Variants in CBLC observed in about 807,000 individuals in gnomAD.
CBLC encodes the protein E3 ubiquitin-protein ligase CBL-C.
A neutral mutation model predicts 58.6 loss-of-function variants in CBLC; 46 were observed. That is an observed-to-expected ratio of 0.79 (90% CI 0.62 to 1.00). The LOEUF (loss-of-function observed/expected upper bound fraction) is 1.00. Ranked by LOEUF, CBLC falls within the 50% of genes least tolerant of loss-of-function variation. The pLI is 0.00. For synonymous variants in CBLC, 271 were observed against 264.2 expected, an observed-to-expected ratio of 1.03 and a Z score of -0.25; for missense variants, 655 against 625.8, an observed-to-expected ratio of 1.05 and a Z score of -0.50.
chr19:44,792,377 T>C lies in CBLC; in HGVS notation c.1006-6T>C, dbSNP rs1005749994. 1 of 1,613,258 alleles carries C rather than the reference T, an allele frequency of 6.2e-7. No individual in the cohort carries two copies. ...TCGCTGTCTTCTCTATCCTCTCACC[T>C]GCCAGGAGCAGCTGCAGCTCTACTG... On this transcript the variant is annotated splice_region_variant and splice_polypyrimidine_tract_variant and intron_variant, in intron 6 of 10. Coordinates refer to ENST00000647358, the MANE Select transcript of CBLC (RefSeq NM_012116.4).
chr19:44,793,203 C>T (rs1361096324), intron 7 of CBLC, among the ~76,000 whole-genome samples: 1 of 152,096 alleles, frequency 6.6e-6, no homozygotes, highest in Non-Finnish European at 1.5e-5. Context: ...CCTGGAAAGG[C>T]CTGGCCCGGA....
At chr19:44,787,189 C>T (rs1190205628) in intron 5 of CBLC, among the ~76,000 whole-genome samples, 2 of 151,886 alleles carry the variant, frequency 1.3e-5, no homozygotes, top group African/African-American at 4.8e-5. Context: ...GCCAGGAGAT[C>T]GAGACCATCT....
chr19:44,784,528 C>A, intron 5 of CBLC, 127 bp downstream of exon 5: 3 of 901,308 alleles, frequency 3.3e-6, no homozygotes, highest in Non-Finnish European at 4.8e-6. Context: ...CATCTCAAAT[C>A]TGCAGTACTA....
At position 44,780,911 on chromosome 19, in the gene CBLC, G is replaced by T; in HGVS notation, c.360G>T (p.Gln120His). 6.2e-7 allele frequency: 1 copy of T among 1,612,162 alleles called. No homozygotes were observed. The highest frequency in any genetic ancestry group is 8.5e-7 in the Non-Finnish European group (1 of 1,179,960). The change falls in exon 2 of 11, where the codon CAG becomes CAT. Residue 120 changes from glutamine (Q) to histidine (H), a missense_variant. Transcript: ENST00000647358. ...LFRAGSRLRR[Q>H]LAKLAIIFSH... Reference sequence around the variant, plus strand: ...TCCTTGCCCATCCCCACAGGCGACAGCTGGCCAAGCTGGCCATCATCTTCA... The same window carrying T: ...TCCTTGCCCATCCCCACAGGCGACATCTGGCCAAGCTGGCCATCATCTTCA...
chr19:44,794,406 C>T (rs1968136020), intron 9 of CBLC, 125 bp downstream of exon 9: 1 of 700,836 alleles, frequency 1.4e-6, no homozygotes, highest in Admixed American at 2.8e-5. Context: ...TCCAAGGCAC[C>T]CATCCCCTCT....
chr19:44,778,252 C>T lies in CBLC; in HGVS notation c.321C>T (p.Asn107=). The change falls in exon 1 of 11, where the codon AAC becomes AAT. Residue 107 remains asparagine, a synonymous_variant. Coordinates refer to ENST00000647358, the MANE Select transcript of CBLC (RefSeq NM_012116.4). ...CTCCCCGGGGCCGAAGGAGTGCCAA[C>T]GACGAGCTCTTCCGGGCGGGCTCCA... ...LLPPRGRRSA[N]DELFRAGSRL... is the part of the protein sequence containing the mutation. 1 of 1,449,150 alleles carries T rather than the reference C, an allele frequency of 6.9e-7. No homozygotes were observed. Among genetic ancestry groups the T allele is most frequent in the East Asian group, 2.6e-5 (1 of 38,612 alleles). The allele number at this position is 1,449,150 out of a possible 1,614,324, so 89.8% of individuals were successfully genotyped here.
intron 9 of CBLC, among the ~76,000 whole-genome samples, chr19:44,797,247 TTTGTTGTTGTTG>T (rs552867483): frequency 6.6e-6 from 1 of 151,852 alleles, no homozygotes; most frequent in South Asian, 2.1e-4. Flanking sequence ...TGTCATAACT[TTTGTTGTTGTTG>T]TTGTTGTTTG....
At chr19:44,792,705 G>A (rs1002926561) in intron 7 of CBLC, among the ~76,000 whole-genome samples, 191 bp downstream of exon 7, 9 of 152,152 alleles carry the variant, frequency 5.9e-5, no homozygotes, top group East Asian at 5.8e-4. Context: ...CTCTGCACAC[G>A]CTGCCTCTGT....
chr19:44,778,379 C>T, intron 1 of CBLC, 95 bp downstream of exon 1: 1 of 1,233,826 alleles, frequency 8.1e-7, no homozygotes, highest in Non-Finnish European at 1.0e-6. Flanking sequence ...AGGCCCCCAC[C>T]CCCTCCTCCC....
intron 9 of CBLC, among the ~76,000 whole-genome samples, chr19:44,798,645 G>C (rs967775212): frequency 6.6e-6 from 1 of 152,120 alleles, no homozygotes; most frequent in Non-Finnish European, 1.5e-5. Flanking sequence ...ATTCTCGCTT[G>C]ATTATCGCTT....
chr19:44,778,264 C>A lies in CBLC; in HGVS notation c.333C>A (p.Phe111Leu). The change falls in exon 1 of 11, where the codon TTC (phenylalanine) becomes TTA (leucine). Residue 111 changes from phenylalanine to leucine, a missense_variant. Around this residue, in one of 3 missense-constraint regions of CBLC, gnomAD observed 280 missense variants for 237.2 expected, o/e 1.18. Transcript: ENST00000647358. The stretch of plus-strand genomic sequence containing the variant: ...GAAGGAGTGCCAACGACGAGCTCTT[C>A]CGGGCGGGCTCCAGACTCAGGTGAG... The part of the protein sequence containing the change: ...RGRRSANDEL[F>L]RAGSRLRRQL... The A allele has an allele frequency of 2.1e-6, 3 of 1,442,900 alleles. No individual in the cohort carries two copies. Among genetic ancestry groups the A allele is most frequent in the Non-Finnish European group, 2.7e-6 (3 of 1,099,966 alleles). 89.4% of individuals were successfully genotyped at this position (1,442,900 alleles called of 1,614,324 possible).
chr19:44,800,070 C>G (rs895222691), intron 9 of CBLC, among the ~76,000 whole-genome samples: 2 of 152,136 alleles, frequency 1.3e-5, no homozygotes, highest in Non-Finnish European at 2.9e-5. Context: ...GCCAAAGGTC[C>G]TGTCAGATGG....
chr19:44,790,140 C>G, intron 6 of CBLC, 49 bp downstream of exon 6: 1 of 1,417,852 alleles, frequency 7.1e-7, no homozygotes, highest in Non-Finnish European at 1.0e-6. Context: ...ACCCTGCCAC[C>G]CCCACGTTGC....
chr19:44,792,523 G>T lies in CBLC; in HGVS notation c.1137+9G>T. On this transcript the variant is annotated intron_variant, in intron 7 of 10. Coordinates refer to ENST00000647358, the MANE Select transcript of CBLC (RefSeq NM_012116.4). The stretch of plus-strand genomic sequence containing the variant: ...GCCTGGCTGCCTGGCAGGTGGGTCT[G>T]ACCCCTGTGGCGCCTTCCCCTCTGG... 1 of 1,580,944 alleles carries T rather than the reference G, an allele frequency of 6.3e-7. No homozygotes were observed. Among genetic ancestry groups the T allele is most frequent in the East Asian group, 2.3e-5 (1 of 43,216 alleles).
intron 6 of CBLC, among the ~76,000 whole-genome samples, chr19:44,790,304 T>C (rs1968014103): frequency 6.6e-6 from 1 of 152,148 alleles, no homozygotes; most frequent in Non-Finnish European, 1.5e-5. Context: ...AATAAGGAAC[T>C]GATGCTGCTG....
chr19:44,796,909 G>A (rs1306125746), intron 9 of CBLC, among the ~76,000 whole-genome samples: 7 of 150,018 alleles, frequency 4.7e-5, no homozygotes, highest in Admixed American at 6.6e-5. Flanking sequence ...GAAGCGGGGC[G>A]GTGGGGGGGA....
At chr19:44,786,597 A>C (rs897558114) in intron 5 of CBLC, among the ~76,000 whole-genome samples, 1 of 144,216 alleles carries the variant, frequency 6.9e-6, no homozygotes, top group Non-Finnish European at 1.5e-5. Context: ...TCCGTCTCAG[A>C]AAAAAAAAAA....
At chr19:44,797,140 C>G (rs933701436) in intron 9 of CBLC, among the ~76,000 whole-genome samples, 1 of 152,116 alleles carries the variant, frequency 6.6e-6, no homozygotes, top group African/African-American at 2.4e-5. Context: ...CAAACCCTGC[C>G]TGATTAAAAT....
At chr19:44,790,205 G>A in intron 6 of CBLC, 114 bp downstream of exon 6, 3 of 780,776 alleles carry the variant, frequency 3.8e-6, no homozygotes, top group East Asian at 2.5e-5. Flanking sequence ...GTGACCTTGG[G>A]TAAATCACTT....
Sources: gnomAD v4.1 joint callset for allele counts (sites outside exome capture counted in the v4.1 genomes callset) on GRCh38, gnomAD v4.1.1 for gene constraint, gnomAD v4.1.1 regional missense constraint, MANE v1.5 for transcripts, NCBI Gene and HGNC (gene_info 2026-07-23, HGNC 2026-07-21) for gene names.